The following PCDHGB4 variants were observed in gnomAD, a reference collection of about 807,000 sequenced individuals.
PCDHGB4 encodes the protein protocadherin gamma subfamily B, 4.
PCDHGB4 carries 38 observed loss-of-function variants against 60.5 expected under a neutral mutation model. The ratio of observed to expected loss-of-function variants is 0.63; its 90% CI spans 0.48 to 0.82. PCDHGB4 has a LOEUF of 0.82. Among genes scored for constraint, PCDHGB4 ranks in the 40% least tolerant of loss-of-function variants. The pLI is 0.00. For missense variants in PCDHGB4, 1,109 were observed against 1,209.6 expected (o/e 0.92, Z 1.23); for synonymous variants, 456 against 509.7 (o/e 0.89, Z 1.42).
rs1055747392 is a variant in PCDHGB4 at position 141,490,298 on chromosome 5, C to G, written c.2398-4509C>G. 6.2e-7 allele frequency: 1 copy of G among 1,614,178 alleles called. No individual in the cohort carries two copies. The highest frequency in any genetic ancestry group is 1.3e-5 in the African/African-American group (1 of 75,036). On this transcript the variant is annotated intron_variant, in intron 1 of 3. Transcript: ENST00000519479. The surrounding 1 kb of genome is among the most constrained non-coding windows in gnomAD (Gnocchi z 5.4). ...GACAATGCCCCAGAGGTGCTATTGG[C>G]CTCTTTGGCCAACCCTGTCCTAGAG...
At chr5:141,417,955 G>C in intron 1 of PCDHGB4, 2 of 1,613,634 alleles carry the variant, frequency 1.2e-6, no homozygotes, top group Middle Eastern at 1.7e-4. Flanking sequence ...TGTGTGAGCC[G>C]ATCCGCTACT....
intron 1 of PCDHGB4, among the ~76,000 whole-genome samples, chr5:141,457,543 A>G (rs555448211): frequency 2.6e-5 from 4 of 152,346 alleles, no homozygotes; most frequent in African/African-American, 9.6e-5. Flanking sequence ...TTAATGACAA[A>G]TGTATGATAA....
intron 1 of PCDHGB4, chr5:141,440,987 A>C (rs2098217413): frequency 6.6e-6 from 1 of 152,278 alleles, no homozygotes; most frequent in African/African-American, 2.4e-5. Flanking sequence ...AACCCAGAGT[A>C]CCCATATCTA....
At position 141,485,331 on chromosome 5, in the gene PCDHGB4, T is replaced by G; in HGVS notation, c.2398-9476T>G. 6.2e-7 allele frequency: 1 copy of G among 1,614,166 alleles called. No individual in the cohort carries two copies. Among genetic ancestry groups the G allele is most frequent in the Admixed American group, 1.7e-5 (1 of 60,022 alleles). Reference sequence around the variant, plus strand: ...GTAGGGAATGTCGCTCAAGATTTCCTGCTGGATACGGACAGTCTGTCAGCT... The same window carrying G: ...GTAGGGAATGTCGCTCAAGATTTCCGGCTGGATACGGACAGTCTGTCAGCT... On this transcript the variant is annotated intron_variant, in intron 1 of 3. Coordinates refer to ENST00000519479, the MANE Select transcript of PCDHGB4 (RefSeq NM_003736.4). The surrounding 1 kb of genome is among the most constrained non-coding windows in gnomAD (Gnocchi z 5.7).
At position 141,393,141 on chromosome 5, in the gene PCDHGB4, G is replaced by A. The variant is rs371909748; in HGVS notation, c.2397+2860G>A. 20 of 1,613,182 alleles carry A rather than the reference G, an allele frequency of 1.2e-5. No homozygotes were observed. The African/African-American group carries it at 2.4e-4, about 19-fold the overall frequency. On this transcript the variant is annotated intron_variant, in intron 1 of 3. Coordinates refer to ENST00000519479, the MANE Select transcript of PCDHGB4 (RefSeq NM_003736.4). Reference sequence around the variant, plus strand: ...GTGTCTGATAAATATTAACACCCTGGTTGAGGATAAAGGAAAACTCTTTGG... The same window carrying A: ...GTGTCTGATAAATATTAACACCCTGATTGAGGATAAAGGAAAACTCTTTGG...
At chr5:141,407,271 GA>G (rs2094907406) in intron 1 of PCDHGB4, among the ~76,000 whole-genome samples, 1 of 152,204 alleles carries the variant, frequency 6.6e-6, no homozygotes, top group African/African-American at 2.4e-5. Context: ...CATGCAACAA[GA>G]AAATTGTTAC....
intron 1 of PCDHGB4, among the ~76,000 whole-genome samples, chr5:141,453,517 C>A (rs1001603927): frequency 1.3e-5 from 2 of 152,062 alleles, no homozygotes; most frequent in African/African-American, 4.8e-5. Flanking sequence ...TCATTCCTCC[C>A]CTATACCTTC....
chr5:141,433,076 C>G, intron 1 of PCDHGB4: 1 of 1,614,188 alleles, frequency 6.2e-7, no homozygotes, highest in Non-Finnish European at 8.5e-7. Context: ...CTTCCCCCAG[C>G]CCAACTATGC....
chr5:141,400,027 GC>G (rs746080003), intron 1 of PCDHGB4: 8 of 1,612,664 alleles, frequency 5.0e-6, no homozygotes, highest in Admixed American at 1.7e-5. Flanking sequence ...CAGGGACGCG[GC>G]CCGCCAGCGC....
At chr5:141,420,222 TG>T in intron 1 of PCDHGB4, 1 of 1,604,490 alleles carries the variant, frequency 6.2e-7, no homozygotes, top group East Asian at 2.2e-5. Flanking sequence ...AGCATGCTAC[TG>T]GCTAGCATTT....
intron 2 of PCDHGB4, among the ~76,000 whole-genome samples, chr5:141,504,704 A>G (rs965376942): frequency 1.3e-5 from 2 of 151,356 alleles, no homozygotes; most frequent in African/African-American, 4.8e-5. Flanking sequence ...AGGTTCTTCT[A>G]TGGCCGTGGA....
intron 1 of PCDHGB4, chr5:141,403,191 G>A (rs368387997): frequency 1.1e-5 from 18 of 1,613,876 alleles, no homozygotes; most frequent in Non-Finnish European, 1.4e-5. Context: ...CTGAACCCGC[G>A]CAGCGGCACC....
chr5:141,421,092 C>T, intron 1 of PCDHGB4: 1 of 663,988 alleles, frequency 1.5e-6, no homozygotes, highest in Non-Finnish European at 2.5e-6. Flanking sequence ...CAGATCCTGA[C>T]ACTGGAGACT....
rs779750859 is a variant in PCDHGB4, at chr5:141,476,273, A to G, written c.2398-18534A>G. On this transcript the variant is annotated intron_variant, in intron 1 of 3. Transcript: ENST00000519479. The surrounding 1 kb of genome is among the most constrained non-coding windows in gnomAD (Gnocchi z 7.6). Reference sequence around the variant, plus strand: ...TTTCGCTGTGGGCAACGTGGTCGCGAACCTTGGTTTGGATCTCGGTAGCCT... The same window carrying G: ...TTTCGCTGTGGGCAACGTGGTCGCGGACCTTGGTTTGGATCTCGGTAGCCT... 6.2e-7 allele frequency: 1 copy of G among 1,613,964 alleles called. No individual in the cohort carries two copies. The highest frequency in any genetic ancestry group is 1.1e-5 in the South Asian group (1 of 91,064).
chr5:141,425,119 T>G (rs1234720658), intron 1 of PCDHGB4, among the ~76,000 whole-genome samples: 1 of 152,220 alleles, frequency 6.6e-6, no homozygotes, highest in Non-Finnish European at 1.5e-5. Context: ...ACATTTTTCT[T>G]GAAGTCAAGA....
intron 1 of PCDHGB4, chr5:141,413,354 C>T: frequency 6.2e-7 from 1 of 1,613,974 alleles, no homozygotes; most frequent in South Asian, 1.1e-5. Flanking sequence ...GGTCTGGCGC[C>T]CCGGGAGCTG....
At chr5:141,403,178 T>G in intron 1 of PCDHGB4, 3 of 1,613,980 alleles carry the variant, frequency 1.9e-6, no homozygotes, top group Non-Finnish European at 2.5e-6. Context: ...GCAGCTTTTC[T>G]CTCTGAACCC....
At chr5:141,473,375 T>C (rs1433212994) in intron 1 of PCDHGB4, among the ~76,000 whole-genome samples, 1 of 152,192 alleles carries the variant, frequency 6.6e-6, no homozygotes, top group African/African-American at 2.4e-5. Flanking sequence ...AATAGCATGG[T>C]CCCTGCCCTC....
chr5:141,487,459 T>A lies in PCDHGB4; in HGVS notation c.2398-7348T>A. The A allele has an allele frequency of 1.2e-6, 2 of 1,614,102 alleles. No homozygotes were observed. Among genetic ancestry groups the A allele is most frequent in the Non-Finnish European group, 1.7e-6 (2 of 1,180,008 alleles). On this transcript the variant is annotated intron_variant, in intron 1 of 3. Transcript: ENST00000519479. The surrounding 1 kb of genome is among the most constrained non-coding windows in gnomAD (Gnocchi z 5.0). ...TAGGGTCAGATGACCCTATCAAGTT[T>A]GTTGATGTGGGAGGCCACTCTCATG...
Sources: allele counts gnomAD v4.1 joint callset (sites outside exome capture counted in the v4.1 genomes callset), GRCh38; gene constraint gnomAD v4.1.1; non-coding constraint Gnocchi (gnomAD v3.1); transcripts MANE v1.5; gene names NCBI Gene and HGNC (gene_info 2026-07-23, HGNC 2026-07-21).